IL6R: variants seen among roughly 807,000 people sequenced by gnomAD.
IL6R encodes the protein interleukin-6 receptor subunit alpha.
IL6R carries 38 observed loss-of-function variants against 48.3 expected under a neutral mutation model. The ratio of observed to expected loss-of-function variants is 0.79; its 90% confidence interval spans 0.61 to 1.03. The LOEUF (loss-of-function observed/expected upper bound fraction) is 1.03. IL6R is among the 50% of genes least tolerant of loss of function. The pLI is 0.00. For synonymous variants in IL6R, 264 were observed against 256.2 expected (o/e 1.03, Z -0.29); for missense variants, 534 against 618.3 (o/e 0.86, Z 1.45).
In IL6R at chr1:154,420,849, T is replaced by C. The variant is rs143873891; in HGVS notation, c.86-8347T>C. ...CTGCACCCTACTGAGATGTACTTTA[T>C]ATTAAAGAACAAATCAAGGCAGACT... On this transcript the variant is annotated intron_variant, in intron 1 of 9. Transcript: ENST00000368485. 8.3e-3 allele frequency among the ~76,000 whole-genome samples: 1,264 copies of C among 152,218 alleles called. 22 individuals are homozygous for C. Among genetic ancestry groups the C allele is most frequent in the African/African-American group, 0.029 (1,214 of 41,526 alleles).
At position 154,420,599 on chromosome 1, in the gene IL6R, G is replaced by A. The variant is rs964029628; in HGVS notation, c.86-8597G>A. 4.0e-5 allele frequency among the ~76,000 whole-genome samples: 6 copies of A among 151,612 alleles called. No homozygotes were observed. The East Asian group carries it at 9.7e-4, about 24-fold the overall frequency. ...AGTGGTGCAATCTCAGCTCACTGCAGCCTTCGACTCACTGCAGCCTCTGCC... is the reference window on the plus strand; with the variant it reads ...AGTGGTGCAATCTCAGCTCACTGCAACCTTCGACTCACTGCAGCCTCTGCC... On this transcript the variant is annotated intron_variant, in intron 1 of 9. Transcript: ENST00000368485.
intron 9 of IL6R, among the ~76,000 whole-genome samples, chr1:154,455,020 C>G (rs989794327): frequency 1.3e-5 from 2 of 152,016 alleles, no homozygotes; most frequent in East Asian, 3.9e-4. Flanking sequence ...TTCAAGTGAT[C>G]CTCCCACCTC....
intron 1 of IL6R, among the ~76,000 whole-genome samples, chr1:154,407,945 AAGAGCT>A (rs1166839434): frequency 1.3e-5 from 2 of 152,162 alleles, no homozygotes; most frequent in African/African-American, 4.8e-5. Flanking sequence ...AAGTATCTCA[AAGAGCT>A]ATCTCAGCTT....
rs1691526327 is a variant in IL6R, at chr1:154,465,766, A to G, written c.*386A>G. On this transcript the variant is annotated 3_prime_UTR_variant, in exon 10 of 10. Transcript: ENST00000368485. ...CTCTGCACAAGCTGCACCCTCAGGC[A>G]GGTGGGATGGATTTCCAGCCAAAGC... 1 of 195,024 alleles carries G rather than the reference A, an allele frequency of 5.1e-6. No individual in the cohort carries two copies. Among genetic ancestry groups the G allele is most frequent in the Non-Finnish European group, 1.1e-5 (1 of 94,030 alleles). 12.1% of individuals were successfully genotyped at this position (195,024 alleles called of 1,614,324 possible).
At chr1:154,438,447 C>T (rs1478046085) in intron 6 of IL6R, among the ~76,000 whole-genome samples, 1 of 151,712 alleles carries the variant, frequency 6.6e-6, no homozygotes, top group African/African-American at 2.4e-5. Context: ...ACTTTGGGGT[C>T]AAATGTTTCT....
At position 154,468,202 on chromosome 1, in the gene IL6R, C is replaced by T. The variant is rs1022479752; in HGVS notation, c.*2822C>T. ...TACACAGGTATACATCCTAAGCTCT[C>T]TATGTTCTCTAATCTGTGGTGACTG... is the stretch of plus-strand genomic sequence containing the variant. On this transcript the variant is annotated 3_prime_UTR_variant, in exon 10 of 10. Transcript: ENST00000368485. The T allele has an allele frequency of 2.0e-5, 3 of 152,234 alleles. No individual in the cohort carries two copies. The highest frequency in any genetic ancestry group is 4.4e-5 in the Non-Finnish European group (3 of 68,052). 9.4% of individuals were successfully genotyped at this position (152,234 alleles called of 1,614,324 possible). A position where few individuals can be genotyped will look rare whatever the true frequency, so the allele number is the denominator to read the frequency against.
At chr1:154,416,720 A>T (rs4075015) in intron 1 of IL6R, among the ~76,000 whole-genome samples, 50,263 of 151,956 alleles carry the variant, frequency 0.33, 9,915 homozygotes, top group South Asian at 0.49. Flanking sequence ...GGGATGGCTC[A>T]GCAGTGATTG....
intron 1 of IL6R, among the ~76,000 whole-genome samples, chr1:154,419,428 C>T (rs1337095613): frequency 2.0e-5 from 3 of 152,220 alleles, no homozygotes; most frequent in African/African-American, 4.8e-5. Flanking sequence ...TGTCCACAGG[C>T]TTCTCCTGGA....
intron 8 of IL6R, among the ~76,000 whole-genome samples, chr1:154,453,907 C>A (rs563791519): frequency 6.6e-6 from 1 of 151,972 alleles, no homozygotes; most frequent in Non-Finnish European, 1.5e-5. Context: ...TGTGGAGAGC[C>A]CTGGAGGAAA....
rs186032893 is a variant in IL6R, at chr1:154,424,804, G to A, written c.86-4392G>A. On this transcript the variant is annotated intron_variant, in intron 1 of 9. Transcript: ENST00000368485. Reference sequence around the variant, plus strand: ...GTTCAGTTGTGATGTAGCAGGACAAGCCACAGACAAAACCCCTCAGACACC... The same window carrying A: ...GTTCAGTTGTGATGTAGCAGGACAAACCACAGACAAAACCCCTCAGACACC... 2.1e-3 allele frequency among the ~76,000 whole-genome samples: 319 copies of A among 152,252 alleles called. 1 individual carries two copies. Among genetic ancestry groups the A allele is most frequent in the African/African-American group, 7.2e-3 (299 of 41,538 alleles).
At chr1:154,418,817 G>T (rs1325791447) in intron 1 of IL6R, among the ~76,000 whole-genome samples, 1 of 152,160 alleles carries the variant, frequency 6.6e-6, no homozygotes, top group Non-Finnish European at 1.5e-5. Flanking sequence ...AAGGCCAAGG[G>T]CACGACTCCT....
intron 9 of IL6R, among the ~76,000 whole-genome samples, chr1:154,460,365 A>T (rs7417553): frequency 6.6e-6 from 1 of 152,160 alleles, no homozygotes; most frequent in Non-Finnish European, 1.5e-5. Context: ...AAAAGAATTC[A>T]TACTCGCCTT....
chr1:154,432,578 G>C (rs1395354463), intron 3 of IL6R, among the ~76,000 whole-genome samples: 1 of 152,042 alleles, frequency 6.6e-6, no homozygotes, highest in Non-Finnish European at 1.5e-5. Flanking sequence ...GGCTGGTCTC[G>C]AACTTCTGAC....
At chr1:154,414,781 A>G in intron 1 of IL6R, 2 of 765,106 alleles carry the variant, frequency 2.6e-6, no homozygotes, top group Admixed American at 1.9e-5. Flanking sequence ...CAGCCACTCC[A>G]GCTCCATGTG....
chr1:154,453,138 G>T lies in IL6R; in HGVS notation c.1067-1350G>T, dbSNP rs377754563. On this transcript the variant is annotated intron_variant, in intron 8 of 9. Coordinates refer to ENST00000368485, the MANE Select transcript of IL6R (RefSeq NM_000565.4). ...GAGAATTGCTTGAACCCGGGAGGCG[G>T]AGGCTGCAGTGAGCGGAGATCACAC... 8.6e-4 allele frequency among the ~76,000 whole-genome samples: 131 copies of T among 152,306 alleles called. 5 individuals carry two copies. The South Asian group carries it at 0.027, about 31-fold the overall frequency.
chr1:154,413,225 C>T (rs1473848855), intron 1 of IL6R, among the ~76,000 whole-genome samples: 1 of 152,226 alleles, frequency 6.6e-6, no homozygotes, highest in Non-Finnish European at 1.5e-5. Flanking sequence ...TGGTCTCAAA[C>T]TCCTGACCTC....
At chr1:154,460,753 G>T (rs938614537) in intron 9 of IL6R, among the ~76,000 whole-genome samples, 1 of 152,184 alleles carries the variant, frequency 6.6e-6, no homozygotes, top group South Asian at 2.1e-4. Context: ...AGAGAAAGAG[G>T]TTTAATCAGA....
intron 6 of IL6R, among the ~76,000 whole-genome samples, chr1:154,436,722 G>T (rs1172032271): frequency 2.0e-5 from 3 of 152,214 alleles, no homozygotes; most frequent in Non-Finnish European, 2.9e-5. Context: ...AGGGCAGGCG[G>T]GTGGGGATCC....
intron 8 of IL6R, among the ~76,000 whole-genome samples, chr1:154,453,085 G>A (rs1690675697): frequency 6.6e-6 from 1 of 151,930 alleles, no homozygotes; most frequent in South Asian, 2.1e-4. Flanking sequence ...TGTGCCTATT[G>A]TCCCAGGTAC....
Sources: allele counts gnomAD v4.1 joint callset (sites outside exome capture counted in the v4.1 genomes callset), GRCh38; gene constraint gnomAD v4.1.1; transcripts MANE v1.5; gene names NCBI Gene and HGNC (gene_info 2026-07-23, HGNC 2026-07-21).